Variants in CNTNAP4 observed in about 807,000 individuals in gnomAD.
CNTNAP4 encodes contactin associated protein family member 4, also known as contactin-associated protein-like 4.
In CNTNAP4, 98 loss-of-function variants were observed where a neutral mutation model predicts 148.4. The observed-to-expected ratio is 0.66, with a 90% confidence interval of 0.56 to 0.78. The LOEUF (loss-of-function observed/expected upper bound fraction) is 0.78. Among genes scored for constraint, CNTNAP4 ranks in the 30% least tolerant of loss-of-function variants. The pLI is 0.00. For missense variants in CNTNAP4, 1,935 were observed against 1,565.6 expected (o/e 1.24, Z -3.98); for synonymous variants, 730 against 565.1 (o/e 1.29, Z -4.14).
chr16:76,466,690 C>T (rs865902895), intron 9 of CNTNAP4, among the ~76,000 whole-genome samples: 3 of 151,672 alleles, frequency 2.0e-5, no homozygotes, highest in Admixed American at 6.6e-5. Flanking sequence ...ATAAACCAGC[C>T]TTATATAAAT....
chr16:76,474,299 G>A (rs1367909604), intron 10 of CNTNAP4, among the ~76,000 whole-genome samples: 2 of 152,146 alleles, frequency 1.3e-5, no homozygotes, highest in Admixed American at 1.3e-4. Flanking sequence ...AAGTGGCTGG[G>A]AGAAGATTTA....
intron 1 of CNTNAP4, among the ~76,000 whole-genome samples, chr16:76,281,461 G>C (rs1000604096): frequency 1.3e-5 from 2 of 151,978 alleles, no homozygotes; most frequent in African/African-American, 4.8e-5. Flanking sequence ...GCAGCCTCTA[G>C]CTCTGGAGAT....
intron 3 of CNTNAP4, among the ~76,000 whole-genome samples, chr16:76,413,352 C>T (rs1266912554): frequency 6.6e-6 from 1 of 150,976 alleles, no homozygotes; most frequent in East Asian, 1.9e-4. Context: ...AATTGTTTTC[C>T]AATGTGGATA....
intron 2 of CNTNAP4, among the ~76,000 whole-genome samples, chr16:76,325,677 G>T (rs1962896387): frequency 6.6e-6 from 1 of 151,986 alleles, no homozygotes; most frequent in South Asian, 2.1e-4. Context: ...AAGAAAAAAG[G>T]TTAAATATGA....
At chr16:76,319,666 C>T (rs1235836921) in intron 2 of CNTNAP4, among the ~76,000 whole-genome samples, 1 of 151,986 alleles carries the variant, frequency 6.6e-6, no homozygotes, top group Non-Finnish European at 1.5e-5. Flanking sequence ...GATTTGGAGA[C>T]ATACAGAGAC....
At chr16:76,375,664 G>A (rs2015339745) in intron 3 of CNTNAP4, among the ~76,000 whole-genome samples, 1 of 152,086 alleles carries the variant, frequency 6.6e-6, no homozygotes, top group Admixed American at 6.6e-5. Context: ...TAGTAAATGT[G>A]AGTAGATCTA....
At chr16:76,465,630 C>T (rs758875496) in intron 9 of CNTNAP4, among the ~76,000 whole-genome samples, 1 of 152,128 alleles carries the variant, frequency 6.6e-6, no homozygotes, top group Non-Finnish European at 1.5e-5. Context: ...AACTATTATC[C>T]TTTCAGTTTT....
At chr16:76,279,957 T>A (rs1248716172) in intron 1 of CNTNAP4, among the ~76,000 whole-genome samples, 1 of 152,178 alleles carries the variant, frequency 6.6e-6, no homozygotes, top group Non-Finnish European at 1.5e-5. Context: ...GTATATATAT[T>A]TCCCAGCAAG....
chr16:76,335,102 G>A (rs993495742), intron 2 of CNTNAP4, among the ~76,000 whole-genome samples: 1 of 152,074 alleles, frequency 6.6e-6, no homozygotes, highest in African/African-American at 2.4e-5. Flanking sequence ...AGGGGAATGG[G>A]GTGGGGTGAG....
At chr16:76,371,673 C>G (rs1489834656) in intron 3 of CNTNAP4, among the ~76,000 whole-genome samples, 2 of 152,202 alleles carry the variant, frequency 1.3e-5, no homozygotes, top group Non-Finnish European at 2.9e-5. Context: ...TTTTGCTTAG[C>G]TGGAAGATCT....
chr16:76,454,588 T>G (rs2080649827), intron 8 of CNTNAP4, among the ~76,000 whole-genome samples: 1 of 152,214 alleles, frequency 6.6e-6, no homozygotes. Context: ...TCTACTCTTT[T>G]TTTTCCGTTT....
intron 11 of CNTNAP4, among the ~76,000 whole-genome samples, chr16:76,477,816 C>T (rs1506813): frequency 0.54 from 82,485 of 151,922 alleles, 22,393 homozygotes; most frequent in Admixed American, 0.61. Flanking sequence ...GTGTTTTCAT[C>T]GACTATTCAT....
intron 9 of CNTNAP4, among the ~76,000 whole-genome samples, chr16:76,465,694 A>G (rs1461832751): frequency 6.6e-6 from 1 of 152,198 alleles, no homozygotes; most frequent in Non-Finnish European, 1.5e-5. Flanking sequence ...TACTGAGATT[A>G]TGGTAACCAT....
rs560147527 is a variant in CNTNAP4, at chr16:76,340,244, G to A, written c.197-15074G>A. On this transcript the variant is annotated intron_variant, in intron 2 of 23. Coordinates refer to ENST00000611870, the MANE Select transcript of CNTNAP4 (RefSeq NM_033401.5). ...ATCTCTAGGAAGGGAAGGCCATGAA[G>A]CAGGAACATAGCTGCCCAAGTTCCC... Among the ~76,000 whole-genome samples, 9 of 152,200 alleles carry A rather than the reference G, an allele frequency of 5.9e-5. No homozygotes were observed. The South Asian group carries it at 1.2e-3, about 21-fold the overall frequency.
chr16:76,312,736 G>T (rs140231848), intron 1 of CNTNAP4, among the ~76,000 whole-genome samples: 142 of 152,216 alleles, frequency 9.3e-4, no homozygotes, highest in African/African-American at 3.2e-3. Flanking sequence ...CGCAACTCAC[G>T]TTATAGATAC....
At chr16:76,497,398 A>T (rs967613323) in intron 14 of CNTNAP4, among the ~76,000 whole-genome samples, 2 of 152,230 alleles carry the variant, frequency 1.3e-5, no homozygotes, top group African/African-American at 4.8e-5. Context: ...TTGAAATACA[A>T]TAAATATAGC....
Position 76,339,206 on chromosome 16 carries a change from A to G in CNTNAP4, c.197-16112A>G, listed in dbSNP as rs148818860. ...AAAGAGTGGTCTTTTTAACTGTCTA[A>G]TGTCTTGTGCTGCCAGAGATCACTG... On this transcript the variant is annotated intron_variant, in intron 2 of 23. Coordinates refer to ENST00000611870, the MANE Select transcript of CNTNAP4 (RefSeq NM_033401.5). Among the ~76,000 whole-genome samples, 17 of 152,200 alleles carry G rather than the reference A, an allele frequency of 1.1e-4. No individual in the cohort carries two copies. In the East Asian group the frequency reaches 2.5e-3, roughly 23 times the overall value.
At chr16:76,504,854 A>G (rs1314755585) in intron 15 of CNTNAP4, among the ~76,000 whole-genome samples, 4 of 152,192 alleles carry the variant, frequency 2.6e-5, no homozygotes, top group African/African-American at 7.2e-5. Context: ...CACAGTAAAG[A>G]TCCTTAGCAT....
At chr16:76,463,106 G>C (rs2081044324) in intron 9 of CNTNAP4, among the ~76,000 whole-genome samples, 1 of 152,132 alleles carries the variant, frequency 6.6e-6, no homozygotes, top group Admixed American at 6.5e-5. Context: ...ATATATACTT[G>C]TTTCCTTTAC....
Sources: gnomAD v4.1 joint callset for allele counts (sites outside exome capture counted in the v4.1 genomes callset) on GRCh38, gnomAD v4.1.1 for gene constraint, MANE v1.5 for transcripts, NCBI Gene and HGNC (gene_info 2026-07-23, HGNC 2026-07-21) for gene names.